EDA: variants seen among roughly 807,000 people sequenced by gnomAD.
The protein encoded by EDA is ectodysplasin-A.
EDA carries 2 observed loss-of-function variants against 23.6 expected under a neutral mutation model. The observed-to-expected ratio is 0.08, with a 90% CI of 0.03 to 0.27. The LOEUF is 0.27. Ranked by LOEUF, EDA falls within the 10% of genes least tolerant of loss-of-function variation. EDA has a pLI of 1.00. For missense variants in EDA, 229 were observed against 324.2 expected (o/e 0.71, Z 2.26); for synonymous variants, 131 against 132.0 (o/e 0.99, Z 0.05).
intron 1 of EDA, among the ~76,000 whole-genome samples, chrX:69,929,706 T>TTGTG (rs4007701): frequency 0.026 from 2,219 of 84,278 alleles, 37 homozygotes; most frequent in Middle Eastern, 0.047. Context: ...CATTCTATTT[T>TTGTG]TGTGTGTGTG....
intron 1 of EDA, among the ~76,000 whole-genome samples, chrX:69,882,763 C>T (rs1156368939): frequency 9.0e-6 from 1 of 110,624 alleles, no homozygotes; most frequent in African/African-American, 3.3e-5. Context: ...AGTGCAATGG[C>T]GCTATCTCAG....
At chrX:70,032,105 A>C (rs2020207139) in intron 6 of EDA, among the ~76,000 whole-genome samples, 1 of 110,991 alleles carries the variant, frequency 9.0e-6, no homozygotes, top group South Asian at 3.9e-4. Flanking sequence ...CAAAAAATAC[A>C]AAAATTAGCT....
chrX:69,752,868 G>T (rs1297162426), intron 1 of EDA, among the ~76,000 whole-genome samples: 2 of 112,092 alleles, frequency 1.8e-5, no homozygotes, highest in South Asian at 3.7e-4. Flanking sequence ...TTGTGTAGAG[G>T]TGTTTATAGT....
chrX:69,904,397 C>A (rs1318477276), intron 1 of EDA, among the ~76,000 whole-genome samples: 1 of 109,525 alleles, frequency 9.1e-6, no homozygotes, highest in Non-Finnish European at 1.9e-5. Context: ...GTTGTCTAGA[C>A]TAGAGTGCAG....
chrX:69,784,228 C>G (rs1233434668), intron 1 of EDA, among the ~76,000 whole-genome samples: 1 of 99,972 alleles, frequency 1.0e-5, no homozygotes, highest in Non-Finnish European at 2.1e-5. Flanking sequence ...AAATTTTCTC[C>G]CATTCTGTAG....
At chrX:69,832,500 G>A (rs2016640313) in intron 1 of EDA, among the ~76,000 whole-genome samples, 1 of 111,709 alleles carries the variant, frequency 9.0e-6, no homozygotes, top group Non-Finnish European at 1.9e-5. Context: ...TTTTTGCTTA[G>A]GATTGTCTTG....
chrX:69,677,812 G>A (rs1406104657), intron 1 of EDA, among the ~76,000 whole-genome samples: 1 of 111,764 alleles, frequency 8.9e-6, no homozygotes, highest in African/African-American at 3.3e-5. Flanking sequence ...TTGCTGTGCA[G>A]CTCTTTAGTT....
chrX:69,721,359 GT>G (rs911596086), intron 1 of EDA, among the ~76,000 whole-genome samples: 10 of 111,996 alleles, frequency 8.9e-5, no homozygotes, highest in African/African-American at 3.3e-4. Flanking sequence ...CTCTGGTTCC[GT>G]TTTCTTTCCT....
intron 1 of EDA, among the ~76,000 whole-genome samples, chrX:69,703,597 T>C (rs1298050710): frequency 8.9e-6 from 1 of 112,116 alleles, no homozygotes; most frequent in East Asian, 2.8e-4. Flanking sequence ...GCAGGGGTTT[T>C]ATAGTCTCCT....
intron 1 of EDA, among the ~76,000 whole-genome samples, chrX:69,788,775 G>A (rs1602409797): frequency 1.8e-5 from 2 of 113,393 alleles, no homozygotes; most frequent in African/African-American, 6.4e-5. Flanking sequence ...CAGAGGTGGA[G>A]CCTACAGAGG....
chrX:69,880,684 G>A (rs764664669), intron 1 of EDA, among the ~76,000 whole-genome samples: 1 of 112,178 alleles, frequency 8.9e-6, no homozygotes, highest in East Asian at 2.8e-4. Flanking sequence ...CTCACATTGG[G>A]CAGAAATAGC....
intron 2 of EDA, among the ~76,000 whole-genome samples, chrX:69,969,391 C>A (rs1186375149): frequency 8.9e-6 from 1 of 112,311 alleles, no homozygotes; most frequent in Non-Finnish European, 1.9e-5. Context: ...ATTGTAAATA[C>A]AGCAATTTAA....
chrX:70,017,036 A>G (rs73226481), intron 2 of EDA, among the ~76,000 whole-genome samples: 18,639 of 106,167 alleles, frequency 0.18, 1,614 homozygotes, highest in Middle Eastern at 0.34. Context: ...TACCATCAAT[A>G]CAACAGAAAT....
intron 1 of EDA, among the ~76,000 whole-genome samples, chrX:69,621,686 A>G (rs772550934): frequency 6.3e-5 from 7 of 111,533 alleles, no homozygotes; most frequent in African/African-American, 1.6e-4. Flanking sequence ...TTTTTGCTCA[A>G]TACTGTTTTC....
chrX:69,754,823 C>T (rs2014041348), intron 1 of EDA, among the ~76,000 whole-genome samples: 1 of 111,435 alleles, frequency 9.0e-6, no homozygotes, highest in Non-Finnish European at 1.9e-5. Flanking sequence ...TCACTGATAC[C>T]CTTTCTTCCA....
At chrX:70,011,546 G>T (rs1308280965) in intron 2 of EDA, among the ~76,000 whole-genome samples, 2 of 110,652 alleles carry the variant, frequency 1.8e-5, no homozygotes, top group Non-Finnish European at 3.8e-5. Context: ...GGCCAGGCTG[G>T]TTATTATTTT....
rs747748272 is a variant in EDA at position 69,974,132 on chromosome X, A to C, written c.502+17000A>C. Among the ~76,000 whole-genome samples the C allele has an allele frequency of 1.4e-3, 158 of 110,434 alleles. 1 individual carries two copies. Among genetic ancestry groups the C allele is most frequent in the African/African-American group, 4.7e-3 (145 of 30,559 alleles). ...TTCAGGATAAAGATTACTTGAAAAAAAAAGATTACTTGAGTGGGTAAATTG... is the reference window on the plus strand; with the variant it reads ...TTCAGGATAAAGATTACTTGAAAAACAAAGATTACTTGAGTGGGTAAATTG... On this transcript the variant is annotated intron_variant, in intron 2 of 7. Coordinates refer to ENST00000374552, the MANE Select transcript of EDA (RefSeq NM_001399.5).
intron 1 of EDA, among the ~76,000 whole-genome samples, chrX:69,782,010 A>G (rs2804362): frequency 0.39 from 42,427 of 107,948 alleles, 7,339 homozygotes; most frequent in Middle Eastern, 0.65. Context: ...GAGTTTGGAG[A>G]GAAAAGACAA....
chrX:69,942,983 A>T lies in EDA; in HGVS notation c.397-14044A>T, dbSNP rs191965052. Among the ~76,000 whole-genome samples, 458 of 109,342 alleles carry T rather than the reference A, an allele frequency of 4.2e-3. 2 individuals carry two copies. The highest frequency in any genetic ancestry group is 8.6e-3 in the Admixed American group (89 of 10,291). 95.0% of individuals were successfully genotyped at this position (109,342 alleles called of 115,157 possible). A position where few individuals can be genotyped will look rare whatever the true frequency, so the allele number is the denominator to read the frequency against. The stretch of plus-strand genomic sequence containing the variant: ...GCTTGATCAATTCTGCTAGTAAGAG[A>T]CTCTGATGCATTCTTCAGTATGCCA... On this transcript the variant is annotated intron_variant, in intron 1 of 7. Transcript: ENST00000374552.
Sources: gnomAD v4.1 joint callset for allele counts (sites outside exome capture counted in the v4.1 genomes callset) on GRCh38, gnomAD v4.1.1 for gene constraint, MANE v1.5 for transcripts, NCBI Gene and HGNC (gene_info 2026-07-23, HGNC 2026-07-21) for gene names.